LRRC4C: variants seen among roughly 807,000 people sequenced by gnomAD.
LRRC4C encodes the protein leucine rich repeat containing 4C.
In LRRC4C, 5 loss-of-function variants were observed where a neutral mutation model predicts 33.6. The observed-to-expected ratio is 0.15, with a 90% confidence interval of 0.08 to 0.31. LRRC4C has a LOEUF of 0.31. Among genes scored for constraint, LRRC4C ranks in the 10% least tolerant of loss-of-function variants. The pLI, the probability that LRRC4C is intolerant of heterozygous loss-of-function variation, is 1.00. For synonymous variants in LRRC4C, 329 were observed against 302.0 expected (o/e 1.09, Z -0.93); for missense variants, 560 against 796.7 (o/e 0.70, Z 3.58).
intron 1 of LRRC4C, among the ~76,000 whole-genome samples, chr11:40,956,723 T>G (rs1011248135): frequency 8.6e-5 from 13 of 151,788 alleles, no homozygotes; most frequent in Admixed American, 2.0e-4. Context: ...ATTTCAATAT[T>G]CTTATAACAA....
intron 3 of LRRC4C, among the ~76,000 whole-genome samples, chr11:40,595,047 T>G (rs1284523586): frequency 1.3e-5 from 2 of 152,112 alleles, no homozygotes; most frequent in Non-Finnish European, 2.9e-5. Context: ...CATATGGGTT[T>G]ATCAGACTTT....
intron 1 of LRRC4C, among the ~76,000 whole-genome samples, chr11:41,062,917 C>A (rs1008841363): frequency 4.6e-5 from 7 of 151,994 alleles, no homozygotes; most frequent in African/African-American, 1.2e-4. Flanking sequence ...GGATTTCTAG[C>A]AACCACCAGA....
chr11:40,250,743 T>C (rs1866726595), intron 4 of LRRC4C, among the ~76,000 whole-genome samples: 1 of 151,876 alleles, frequency 6.6e-6, no homozygotes, highest in Non-Finnish European at 1.5e-5. Flanking sequence ...TGTCTCAAAA[T>C]TATAATAATA....
intron 4 of LRRC4C, among the ~76,000 whole-genome samples, chr11:40,285,294 G>A (rs965388240): frequency 1.3e-5 from 2 of 152,074 alleles, no homozygotes; most frequent in Admixed American, 1.3e-4. Context: ...AACAGAAGGA[G>A]GATAAAGTGA....
In LRRC4C at chr11:40,195,215, C is replaced by T. The variant is rs554199156; in HGVS notation, c.-96+46304G>A. ...TTGTACAGGAATTCAGTGAAGATTC[C>T]TTTACATCATACAGTCTAAGGTATA... On this transcript the variant is annotated intron_variant, in intron 5 of 6. Transcript: ENST00000528697. Among the ~76,000 whole-genome samples, 109 of 152,154 alleles carry T rather than the reference C, an allele frequency of 7.2e-4. No homozygotes were observed. The Middle Eastern group carries it at 0.01, about 14-fold the overall frequency.
intron 3 of LRRC4C, among the ~76,000 whole-genome samples, chr11:40,404,539 A>C (rs1001461320): frequency 6.6e-6 from 1 of 152,024 alleles, no homozygotes; most frequent in Non-Finnish European, 1.5e-5. Context: ...TCACAAGTGA[A>C]GCGCTCCTCT....
chr11:40,145,600 A>T (rs1348539015), intron 5 of LRRC4C, among the ~76,000 whole-genome samples: 1 of 152,174 alleles, frequency 6.6e-6, no homozygotes, highest in Non-Finnish European at 1.5e-5. Flanking sequence ...TAGAGCAGAG[A>T]AGTCATCCAT....
intron 3 of LRRC4C, among the ~76,000 whole-genome samples, chr11:40,618,849 T>A (rs1194957723): frequency 6.6e-6 from 1 of 151,736 alleles, no homozygotes; most frequent in African/African-American, 2.4e-5. Flanking sequence ...AATGGCTGCA[T>A]AAATTTAGAA....
At chr11:41,449,002 A>G (rs1444419606) in intron 1 of LRRC4C, among the ~76,000 whole-genome samples, 1 of 152,248 alleles carries the variant, frequency 6.6e-6, no homozygotes, top group Non-Finnish European at 1.5e-5. Context: ...TGTCAAATAT[A>G]TAACCAGAGT....
At chr11:40,679,402 T>A (rs1340154787) in intron 2 of LRRC4C, among the ~76,000 whole-genome samples, 1 of 152,162 alleles carries the variant, frequency 6.6e-6, no homozygotes, top group Non-Finnish European at 1.5e-5. Flanking sequence ...AGGAGCGGAA[T>A]GTTAATCACC....
intron 2 of LRRC4C, among the ~76,000 whole-genome samples, chr11:40,913,632 A>T (rs964781472): frequency 1.3e-5 from 2 of 152,178 alleles, no homozygotes; most frequent in African/African-American, 4.8e-5. Flanking sequence ...ATCACTATTA[A>T]AGGAACTTGA....
At chr11:40,806,892 C>A (rs938956405) in intron 2 of LRRC4C, among the ~76,000 whole-genome samples, 8 of 151,966 alleles carry the variant, frequency 5.3e-5, no homozygotes, top group African/African-American at 1.9e-4. Context: ...TAAAAATGTT[C>A]TTGCATAATC....
chr11:40,742,349 T>C (rs557985372), intron 2 of LRRC4C, among the ~76,000 whole-genome samples: 1 of 152,108 alleles, frequency 6.6e-6, no homozygotes, highest in African/African-American at 2.4e-5. Flanking sequence ...TCTCAAATTA[T>C]TATTTATTCC....
At chr11:40,615,113 C>T (rs190574728) in intron 3 of LRRC4C, among the ~76,000 whole-genome samples, 1 of 151,294 alleles carries the variant, frequency 6.6e-6, no homozygotes, top group East Asian at 1.9e-4. Flanking sequence ...AAAAATAACA[C>T]AAAGCATAAC....
At chr11:40,500,285 TATATATATACAC>T (rs1171043780) in intron 3 of LRRC4C, among the ~76,000 whole-genome samples, 3 of 67,440 alleles carry the variant, frequency 4.4e-5, no homozygotes, top group African/African-American at 1.7e-4. Flanking sequence ...TATATATATA[TATATATATACAC>T]ACACACACAC....
chr11:40,245,355 A>C (rs532487296), intron 4 of LRRC4C, among the ~76,000 whole-genome samples: 1 of 152,322 alleles, frequency 6.6e-6, no homozygotes, highest in South Asian at 2.1e-4. Context: ...CTATGTTAGA[A>C]GCCTATGACA....
intron 1 of LRRC4C, among the ~76,000 whole-genome samples, chr11:41,384,110 A>G (rs1255164684): frequency 6.6e-6 from 1 of 151,966 alleles, no homozygotes; most frequent in Non-Finnish European, 1.5e-5. Flanking sequence ...TAAAGCTGTA[A>G]TATGGACACC....
At chr11:40,814,774 C>A (rs1951638434) in intron 2 of LRRC4C, among the ~76,000 whole-genome samples, 1 of 151,932 alleles carries the variant, frequency 6.6e-6, no homozygotes, top group Non-Finnish European at 1.5e-5. Flanking sequence ...AAAATGCCAC[C>A]AGTCTCTTTG....
chr11:41,093,503 T>C (rs893125706), intron 1 of LRRC4C, among the ~76,000 whole-genome samples: 6 of 152,210 alleles, frequency 3.9e-5, no homozygotes, highest in African/African-American at 1.4e-4. Flanking sequence ...CTACTGTAAA[T>C]ACTTGGAAGT....
Sources: allele counts gnomAD v4.1 joint callset (sites outside exome capture counted in the v4.1 genomes callset), GRCh38; gene constraint gnomAD v4.1.1; transcripts MANE v1.5; gene names NCBI Gene and HGNC (gene_info 2026-07-23, HGNC 2026-07-21).